Variants in ME1 observed in about 807,000 individuals in gnomAD.
The protein encoded by ME1 is malic enzyme 1, also known as NADP-dependent malic enzyme.
In ME1, 74 loss-of-function variants were observed where a neutral mutation model predicts 66.4. The observed-to-expected ratio is 1.11, with a 90% confidence interval of 0.92 to 1.35. The LOEUF (loss-of-function observed/expected upper bound fraction) is 1.35. Among genes scored for constraint, ME1 ranks in the 40% most tolerant of loss-of-function variants. The probability of loss-of-function intolerance (pLI) is 0.00; values close to 1 mark genes in which losing one functional copy is unlikely to be tolerated. For missense variants in ME1, 750 were observed against 694.1 expected, an observed-to-expected ratio of 1.08 and a Z score of -0.90; for synonymous variants, 251 against 235.6, an observed-to-expected ratio of 1.07 and a Z score of -0.60.
Position 83,352,129 on chromosome 6 carries a change from T to C in ME1, c.373A>G (p.Ile125Val), listed in dbSNP as rs773745589. 4.5e-6 allele frequency: 6 copies of C among 1,343,204 alleles called. No homozygotes were observed. The highest frequency in any genetic ancestry group is 6.0e-6 in the Non-Finnish European group (6 of 994,060). 83.2% of individuals were successfully genotyped at this position (1,343,204 alleles called of 1,614,324 possible). Residue 125 changes from isoleucine to valine, a missense_variant, in exon 4 of 14, where the codon ATT becomes GTT. Coordinates refer to ENST00000369705, the MANE Select transcript of ME1 (RefSeq NM_002395.6). ...LVFRKPRGLF[I>V]TIHDRGHIAS... ...ATATGCCCTCGATCGTGGATAGTAATAAAGAGACCTCTGCAGAAAAAAAAA... is the reference window on the plus strand; with the variant it reads ...ATATGCCCTCGATCGTGGATAGTAACAAAGAGACCTCTGCAGAAAAAAAAA...
chr6:83,400,073 G>T (rs1031623242), intron 2 of ME1, among the ~76,000 whole-genome samples: 2 of 152,126 alleles, frequency 1.3e-5, no homozygotes, highest in Admixed American at 6.5e-5. Flanking sequence ...ATATTCTCAT[G>T]GTTTTCCTCC....
chr6:83,299,468 T>G (rs1418152047), intron 6 of ME1, among the ~76,000 whole-genome samples: 2 of 152,194 alleles, frequency 1.3e-5, no homozygotes, highest in Non-Finnish European at 2.9e-5. Context: ...AAGACTTTGC[T>G]GAAGTTGTTT....
At chr6:83,317,572 A>G (rs1768058651) in intron 5 of ME1, among the ~76,000 whole-genome samples, 3 of 151,746 alleles carry the variant, frequency 2.0e-5, no homozygotes, top group African/African-American at 4.8e-5. Flanking sequence ...GGGCTGAGAC[A>G]ATGGGGTTTT....
chr6:83,397,398 C>A (rs560117332), intron 3 of ME1, among the ~76,000 whole-genome samples: 12 of 152,130 alleles, frequency 7.9e-5, no homozygotes, highest in Non-Finnish European at 1.6e-4. Flanking sequence ...CTAATCATCA[C>A]AGAAATCGAA....
chr6:83,291,001 C>A (rs1028367812), intron 6 of ME1, among the ~76,000 whole-genome samples: 1 of 152,100 alleles, frequency 6.6e-6, no homozygotes, highest in African/African-American at 2.4e-5. Context: ...TTATTTCAAG[C>A]CTGATGTGTG....
At chr6:83,418,130 T>C (rs993283020) in intron 1 of ME1, among the ~76,000 whole-genome samples, 5 of 152,368 alleles carry the variant, frequency 3.3e-5, no homozygotes, top group Middle Eastern at 3.4e-3. Flanking sequence ...GTTTTCTCTC[T>C]GCTTTTACAG....
chr6:83,265,676 T>C (rs1766976088), intron 6 of ME1, among the ~76,000 whole-genome samples: 1 of 152,196 alleles, frequency 6.6e-6, no homozygotes, highest in Non-Finnish European at 1.5e-5. Context: ...TTATTGTGGT[T>C]GTCTGGAACC....
At chr6:83,417,433 T>C (rs1319447711) in intron 1 of ME1, among the ~76,000 whole-genome samples, 3 of 151,964 alleles carry the variant, frequency 2.0e-5, no homozygotes, top group East Asian at 3.9e-4. Context: ...CAGGCTAGAG[T>C]GAAGTGGCGT....
chr6:83,389,626 T>G (rs552574010), intron 3 of ME1, among the ~76,000 whole-genome samples: 7 of 152,098 alleles, frequency 4.6e-5, no homozygotes, highest in African/African-American at 1.7e-4. Flanking sequence ...AAAAATACAG[T>G]AGGTAGAAAT....
chr6:83,368,676 A>C (rs879833409), intron 3 of ME1, among the ~76,000 whole-genome samples: 1 of 152,156 alleles, frequency 6.6e-6, no homozygotes, highest in Non-Finnish European at 1.5e-5. Context: ...CAAAACTAAC[A>C]CATTACAATT....
intron 6 of ME1, among the ~76,000 whole-genome samples, chr6:83,253,992 C>A (rs1583342223): frequency 6.6e-6 from 1 of 151,930 alleles, no homozygotes; most frequent in African/African-American, 2.4e-5. Flanking sequence ...AGGAATTTAA[C>A]TTTTAGTGGA....
intron 12 of ME1, among the ~76,000 whole-genome samples, chr6:83,219,740 A>ATTTTTTTTTT (rs11324255): frequency 5.3e-5 from 7 of 133,210 alleles, no homozygotes; most frequent in African/African-American, 5.6e-5. Flanking sequence ...TGCCCAACTA[A>ATTTTTTTTTT]TTTTTTTTTT....
chr6:83,249,951 A>G (rs890672436), intron 7 of ME1, among the ~76,000 whole-genome samples: 1 of 152,032 alleles, frequency 6.6e-6, no homozygotes, highest in African/African-American at 2.4e-5. Context: ...CTTTTATCCC[A>G]TTGTCTTTTC....
rs555873288 is a variant in ME1, at chr6:83,249,827, T to C, written c.814+3802A>G. Among the ~76,000 whole-genome samples, 15 of 152,264 alleles carry C rather than the reference T, an allele frequency of 9.9e-5. No individual in the cohort carries two copies. In the East Asian group the frequency reaches 1.9e-3, roughly 20 times the overall value. On this transcript the variant is annotated intron_variant, in intron 7 of 13. Transcript: ENST00000369705. ...GCCTCTAATTCAATCATCCTTATTA[T>C]ACCCATTCTTCAACCCCATTGGAAT...
intron 7 of ME1, among the ~76,000 whole-genome samples, chr6:83,251,992 G>A (rs1790733294): frequency 6.6e-6 from 1 of 152,236 alleles, no homozygotes; most frequent in South Asian, 2.1e-4. Context: ...GGGGAAGCAA[G>A]AGTAAATGTG....
At chr6:83,370,000 A>G (rs950697835) in intron 3 of ME1, among the ~76,000 whole-genome samples, 1 of 152,182 alleles carries the variant, frequency 6.6e-6, no homozygotes, top group African/African-American at 2.4e-5. Flanking sequence ...AGAAGATATG[A>G]AGAGAAAAAG....
In ME1 at chr6:83,237,713, T is replaced by C. The variant is rs374532871; in HGVS notation, c.1026+4A>G. On this transcript the variant is annotated splice_donor_region_variant and intron_variant, in intron 9 of 13. Coordinates refer to ENST00000369705, the MANE Select transcript of ME1 (RefSeq NM_002395.6). ...TATTCTGGTTAAAAATGACAAATTCTTACCTTAACTATTAATCCTTTTGAA... is the reference window on the plus strand; with the variant it reads ...TATTCTGGTTAAAAATGACAAATTCCTACCTTAACTATTAATCCTTTTGAA... 2.6e-6 allele frequency: 4 copies of C among 1,537,402 alleles called. No individual in the cohort carries two copies. In the African/African-American group the frequency reaches 5.5e-5, roughly 21 times the overall value.
At chr6:83,282,158 A>G (rs1767309841) in intron 6 of ME1, among the ~76,000 whole-genome samples, 1 of 152,130 alleles carries the variant, frequency 6.6e-6, no homozygotes, top group African/African-American at 2.4e-5. Flanking sequence ...AACCATAAAA[A>G]CTCTAGAAGA....
rs1391941959 is a variant in ME1, at chr6:83,210,503, C to T, written c.*1421G>A. On this transcript the variant is annotated 3_prime_UTR_variant, in exon 14 of 14. Coordinates refer to ENST00000369705, the MANE Select transcript of ME1 (RefSeq NM_002395.6). ...TCAGAGCTATAAGACAACATAGAAA[C>T]AGACAAGAAATACACAGACATTCTG... The T allele has an allele frequency of 6.6e-6, 1 of 152,572 alleles. No homozygotes were observed. Among genetic ancestry groups the T allele is most frequent in the Non-Finnish European group, 1.5e-5 (1 of 68,022 alleles). 9.5% of individuals were successfully genotyped at this position (152,572 alleles called of 1,614,324 possible). A position where few individuals can be genotyped will look rare whatever the true frequency, so the allele number is the denominator to read the frequency against.
Sources: gnomAD v4.1 joint callset for allele counts (sites outside exome capture counted in the v4.1 genomes callset) on GRCh38, gnomAD v4.1.1 for gene constraint, MANE v1.5 for transcripts, NCBI Gene and HGNC (gene_info 2026-07-23, HGNC 2026-07-21) for gene names.